The following ERBB4 variants were observed in gnomAD, a reference collection of about 807,000 sequenced individuals.
ERBB4 encodes receptor tyrosine-protein kinase erbB-4.
Under a neutral mutation model 158.0 loss-of-function variants are expected in ERBB4, and 42 were observed. The observed-to-expected ratio is 0.27, with a 90% CI of 0.21 to 0.34. The LOEUF is 0.34. Among genes scored for constraint, ERBB4 ranks in the 10% least tolerant of loss-of-function variants. ERBB4 has a pLI of 1.00. For missense variants in ERBB4, 1,333 were observed against 1,624.1 expected, an observed-to-expected ratio of 0.82 and a Z score of 3.08; for synonymous variants, 583 against 558.7, an observed-to-expected ratio of 1.04 and a Z score of -0.61.
chr2:211,435,401 C>A (rs1010978080), intron 20 of ERBB4, among the ~76,000 whole-genome samples: 1 of 152,198 alleles, frequency 6.6e-6, no homozygotes, highest in East Asian at 1.9e-4. Context: ...ATGAGATGAA[C>A]ACTGTTGACG....
In ERBB4 at chr2:211,871,301, C is replaced by G. The variant is rs138776209; in HGVS notation, c.421+76129G>C. On this transcript the variant is annotated intron_variant, in intron 3 of 27. Transcript: ENST00000342788. ...ATCACTTGAGCCCAGGAGTTCCAGT[C>G]CACTCTGGGCAACATAGCAAAATCT... Among the ~76,000 whole-genome samples, 8 of 152,194 alleles carry G rather than the reference C, an allele frequency of 5.3e-5. No homozygotes were observed. The East Asian group carries it at 1.5e-3, about 29-fold the overall frequency.
chr2:211,513,351 C>A (rs923915784), intron 20 of ERBB4, among the ~76,000 whole-genome samples: 2 of 113,360 alleles, frequency 1.8e-5, no homozygotes, highest in African/African-American at 7.4e-5. Flanking sequence ...GAGCGAGACT[C>A]CGTCTCAAAA....
chr2:211,387,236 G>T, intron 26 of ERBB4, 86 bp from the exon 27 acceptor site: 2 of 1,108,340 alleles, frequency 1.8e-6, no homozygotes, highest in Non-Finnish European at 2.8e-6. Context: ...GGATATCAAA[G>T]CCAGTCTTTC....
At chr2:211,689,615 T>G (rs1559421606) in intron 12 of ERBB4, among the ~76,000 whole-genome samples, 1 of 152,228 alleles carries the variant, frequency 6.6e-6, no homozygotes, top group Non-Finnish European at 1.5e-5. Context: ...CCAAACTGAT[T>G]AAATATAAAT....
At chr2:211,832,181 A>G (rs1372632357) in intron 3 of ERBB4, among the ~76,000 whole-genome samples, 1 of 152,166 alleles carries the variant, frequency 6.6e-6, no homozygotes, top group African/African-American at 2.4e-5. Flanking sequence ...TTCAGTAAAT[A>G]TTAACTATTA....
At chr2:211,995,916 ATT>A (rs892197533) in intron 2 of ERBB4, among the ~76,000 whole-genome samples, 1 of 152,198 alleles carries the variant, frequency 6.6e-6, no homozygotes, top group Middle Eastern at 3.2e-3. Context: ...TTAATTAGCC[ATT>A]TTGAAGGAAG....
chr2:211,810,166 G>C (rs778622824), intron 3 of ERBB4, among the ~76,000 whole-genome samples: 3 of 152,220 alleles, frequency 2.0e-5, no homozygotes, highest in Non-Finnish European at 4.4e-5. Context: ...TGTATATTCT[G>C]TTGATTTGGG....
intron 2 of ERBB4, among the ~76,000 whole-genome samples, chr2:212,016,907 G>T (rs777237329): frequency 6.6e-6 from 1 of 152,036 alleles, no homozygotes; most frequent in Non-Finnish European, 1.5e-5. Context: ...CTGCCTCATA[G>T]TTGTCACTTA....
chr2:211,843,332 G>C (rs2077515914), intron 3 of ERBB4, among the ~76,000 whole-genome samples: 1 of 152,044 alleles, frequency 6.6e-6, no homozygotes, highest in Non-Finnish European at 1.5e-5. Context: ...GTCTAAATAA[G>C]AAGATGCGTC....
chr2:211,967,441 G>A (rs1320220607), intron 2 of ERBB4, among the ~76,000 whole-genome samples: 1 of 152,066 alleles, frequency 6.6e-6, no homozygotes, highest in African/African-American at 2.4e-5. Flanking sequence ...GATGCAATCA[G>A]AGAAAACTTA....
At chr2:211,724,563 C>G (rs1023047580) in intron 6 of ERBB4, among the ~76,000 whole-genome samples, 1 of 151,802 alleles carries the variant, frequency 6.6e-6, no homozygotes, top group Non-Finnish European at 1.5e-5. Flanking sequence ...AGTACTGTGT[C>G]AGGAATATGA....
chr2:212,521,896 T>C (rs1692190917), intron 1 of ERBB4, among the ~76,000 whole-genome samples: 1 of 151,974 alleles, frequency 6.6e-6, no homozygotes, highest in South Asian at 2.1e-4. Flanking sequence ...TTATTATAAA[T>C]ATAATGAAAC....
chr2:211,514,200 T>G (rs7604094), intron 20 of ERBB4, among the ~76,000 whole-genome samples: 72,639 of 151,860 alleles, frequency 0.48, 18,267 homozygotes, highest in East Asian at 0.66. Context: ...GATCAAATTT[T>G]TTTGGCTCCC....
At chr2:211,819,838 C>A (rs139989103) in intron 3 of ERBB4, among the ~76,000 whole-genome samples, 2 of 151,586 alleles carry the variant, frequency 1.3e-5, no homozygotes, top group African/African-American at 4.8e-5. Flanking sequence ...TTAGTGGCAA[C>A]AGGGATAAAG....
At chr2:212,170,370 G>C (rs2081479236) in intron 1 of ERBB4, among the ~76,000 whole-genome samples, 2 of 152,164 alleles carry the variant, frequency 1.3e-5, no homozygotes, top group African/African-American at 4.8e-5. Context: ...AAAGGAAGCA[G>C]AGTATAAAAG....
chr2:211,918,411 G>T (rs959342891), intron 3 of ERBB4, among the ~76,000 whole-genome samples: 1 of 152,034 alleles, frequency 6.6e-6, no homozygotes, highest in Non-Finnish European at 1.5e-5. Flanking sequence ...ATTAGAAACT[G>T]GTCTGTAACC....
intron 2 of ERBB4, among the ~76,000 whole-genome samples, chr2:211,977,456 C>T (rs1305879386): frequency 6.8e-6 from 1 of 146,460 alleles, no homozygotes; most frequent in Admixed American, 7.2e-5. Flanking sequence ...AATTCTTTGC[C>T]GTAACTTCTC....
At chr2:212,056,688 A>G (rs2077583159) in intron 2 of ERBB4, among the ~76,000 whole-genome samples, 1 of 152,186 alleles carries the variant, frequency 6.6e-6, no homozygotes, top group South Asian at 2.1e-4. Context: ...GAGCTTCCTA[A>G]GTGAAGGAGA....
chr2:212,265,688 T>C (rs989012996), intron 1 of ERBB4, among the ~76,000 whole-genome samples: 1 of 152,014 alleles, frequency 6.6e-6, no homozygotes, highest in African/African-American at 2.4e-5. Flanking sequence ...GAAAGGGAGA[T>C]TGAAAGCTGA....
Sources: gnomAD v4.1 joint callset for allele counts (sites outside exome capture counted in the v4.1 genomes callset) on GRCh38, gnomAD v4.1.1 for gene constraint, MANE v1.5 for transcripts, NCBI Gene and HGNC (gene_info 2026-07-23, HGNC 2026-07-21) for gene names.